The following ASH1L variants were observed in gnomAD, a reference collection of about 807,000 sequenced individuals.
ASH1L encodes histone-lysine N-methyltransferase ASH1L.
In ASH1L, 23 loss-of-function variants were observed where a neutral mutation model predicts 269.0. That is an observed-to-expected ratio of 0.09 (90% CI 0.06 to 0.12). ASH1L has a LOEUF of 0.12. ASH1L is among the 10% of genes least tolerant of loss of function. The pLI is 1.00. For missense variants in ASH1L, 2,912 were observed against 3,567.8 expected, an observed-to-expected ratio of 0.82 and a Z score of 4.68; for synonymous variants, 1,187 against 1,253.5, an observed-to-expected ratio of 0.95 and a Z score of 1.12.
intron 12 of ASH1L, 184 bp downstream of exon 12, chr1:155,370,320 T>C: frequency 1.5e-6 from 1 of 662,264 alleles, no homozygotes; most frequent in Non-Finnish European, 2.5e-6. Context: ...AACAAAAATA[T>C]CTGTCTGGGA....
intron 5 of ASH1L, among the ~76,000 whole-genome samples, chr1:155,430,570 T>C (rs1661520710): frequency 6.6e-6 from 1 of 152,212 alleles, no homozygotes; most frequent in African/African-American, 2.4e-5. Context: ...ATCTCTTATA[T>C]ACACTTTATT....
intron 1 of ASH1L, among the ~76,000 whole-genome samples, chr1:155,556,365 TGTAAAAAATTATAAATATAAATATA>T (rs1157964237): frequency 6.6e-6 from 1 of 151,986 alleles, no homozygotes; most frequent in Non-Finnish European, 1.5e-5. Context: ...AGACCCCAGC[TGTAAAAAATTATAAATATAAATATA>T]CATATATATA....
In ASH1L at chr1:155,521,525, G is replaced by T; in HGVS notation, c.-6C>A. On this transcript the variant is annotated 5_prime_UTR_variant, in exon 2 of 28. Coordinates refer to ENST00000392403, the MANE Select transcript of ASH1L (RefSeq NM_018489.3). The stretch of plus-strand genomic sequence containing the variant: ...GCAGTATTTCTAGGGTCCATCACAA[G>T]CGTATGTTATTGCCAAGGAATCTTA... The T allele has an allele frequency of 6.3e-7, 1 of 1,591,910 alleles. No individual in the cohort carries two copies.
intron 1 of ASH1L, among the ~76,000 whole-genome samples, chr1:155,533,412 C>T (rs942432862): frequency 6.6e-6 from 1 of 151,962 alleles, no homozygotes; most frequent in Non-Finnish European, 1.5e-5. Context: ...TGCTTTGCTG[C>T]CTCCCAAAGA....
In ASH1L at chr1:155,478,147, A is replaced by C; in HGVS notation, c.4723T>G (p.Leu1575Val). 1 of 1,614,064 alleles carries C rather than the reference A, an allele frequency of 6.2e-7. No homozygotes were observed. The highest frequency in any genetic ancestry group is 8.5e-7 in the Non-Finnish European group (1 of 1,180,012). The change falls in exon 3 of 28, where the codon TTA becomes GTA. Residue 1575 changes from leucine (L) to valine (V), a missense_variant. This residue lies in a region of ASH1L where 789 missense variants were observed against 897.6 expected (regional missense o/e 0.88). Coordinates refer to ENST00000392403, the MANE Select transcript of ASH1L (RefSeq NM_018489.3). The surrounding 1 kb of genome is among the most constrained non-coding windows in gnomAD (Gnocchi z 4.6). ...GAACTTTCTGAACAGTCAATCTGTAAAGGTGTCTGCAATCCCAAGGCCAAT... is the reference window on the plus strand; with the variant it reads ...GAACTTTCTGAACAGTCAATCTGTACAGGTGTCTGCAATCCCAAGGCCAAT... ...SPLALGLQTP[L>V]QIDCSESSPS... is the part of the protein sequence containing the mutation.
At chr1:155,370,465 C>A in intron 12 of ASH1L, 39 bp downstream of exon 12, 1 of 1,611,188 alleles carries the variant, frequency 6.2e-7, no homozygotes, top group South Asian at 1.1e-5. Flanking sequence ...AATGCTTATT[C>A]TGCTGGATTC....
At chr1:155,377,556 C>T (rs999800364) in intron 10 of ASH1L, among the ~76,000 whole-genome samples, 3 of 151,536 alleles carry the variant, frequency 2.0e-5, no homozygotes, top group Non-Finnish European at 2.9e-5. Flanking sequence ...ACAGTGAGAC[C>T]CTATCTCTAA....
At chr1:155,379,473 G>A (rs998692659) in intron 8 of ASH1L, among the ~76,000 whole-genome samples, 1 of 152,102 alleles carries the variant, frequency 6.6e-6, no homozygotes, top group African/African-American at 2.4e-5. Flanking sequence ...TATGAGACCT[G>A]GGGGCTATAA....
chr1:155,387,278 T>A (rs753329559), intron 7 of ASH1L, among the ~76,000 whole-genome samples: 1 of 152,172 alleles, frequency 6.6e-6, no homozygotes, highest in Non-Finnish European at 1.5e-5. Context: ...CTGGCCTACA[T>A]TGAAGTTTTT....
rs769015980 is a variant in ASH1L at position 155,562,735 on chromosome 1, TC to T, written c.-683del. 7.7e-6 allele frequency: 10 copies of T among 1,294,726 alleles called. No homozygotes were observed. 80.2% of individuals were successfully genotyped at this position (1,294,726 alleles called of 1,614,324 possible). ...CCCTCGTCCAGTCCCTCACTACCCC[TC>T]AGGCCCTGTCAAGCCGGCGCCGGCG... On this transcript the variant is annotated 5_prime_UTR_variant, in exon 1 of 28. Coordinates refer to ENST00000392403, the MANE Select transcript of ASH1L (RefSeq NM_018489.3).
chr1:155,532,843 A>T (rs77667238), intron 1 of ASH1L, among the ~76,000 whole-genome samples: 1 of 148,770 alleles, frequency 6.7e-6, no homozygotes, highest in African/African-American at 2.5e-5. Context: ...AAAAAATTAT[A>T]TATATATATA....
intron 7 of ASH1L, among the ~76,000 whole-genome samples, chr1:155,394,832 T>A (rs949421578): frequency 1.2e-4 from 18 of 152,212 alleles, no homozygotes; most frequent in African/African-American, 4.1e-4. Context: ...TGTGTATAAA[T>A]CATCTATTTT....
intron 5 of ASH1L, among the ~76,000 whole-genome samples, chr1:155,424,548 C>T (rs186839141): frequency 5.9e-4 from 90 of 151,644 alleles, no homozygotes; most frequent in Middle Eastern, 3.4e-3. Flanking sequence ...CCTGGGATTA[C>T]GGGCATGCGC....
intron 1 of ASH1L, among the ~76,000 whole-genome samples, chr1:155,530,013 C>A (rs1410803906): frequency 6.6e-6 from 1 of 151,824 alleles, no homozygotes; most frequent in East Asian, 1.9e-4. Context: ...TTCTGTTTCT[C>A]AAACACAACA....
intron 4 of ASH1L, among the ~76,000 whole-genome samples, chr1:155,452,266 G>A (rs1189702870): frequency 2.7e-5 from 4 of 149,754 alleles, no homozygotes; most frequent in South Asian, 2.1e-4. Context: ...CTCCAACTCC[G>A]GACCTCAGGT....
rs79597058 is a variant in ASH1L, at chr1:155,412,835, C to T, written c.6008+2909G>A. 6.1e-3 allele frequency among the ~76,000 whole-genome samples: 928 copies of T among 151,382 alleles called. 9 individuals are homozygous for T. The highest frequency in any genetic ancestry group is 0.022 in the African/African-American group (903 of 41,260). On this transcript the variant is annotated intron_variant, in intron 6 of 27. Transcript: ENST00000392403. Reference sequence around the variant, plus strand: ...TGAATTGAGGACACCCAGCTGCTGCCTATTGCTTGGTGTATGGGAAAACCC... The same window carrying T: ...TGAATTGAGGACACCCAGCTGCTGCTTATTGCTTGGTGTATGGGAAAACCC...
chr1:155,488,390 T>C (rs1666473358), intron 2 of ASH1L, among the ~76,000 whole-genome samples: 1 of 149,046 alleles, frequency 6.7e-6, no homozygotes, highest in Non-Finnish European at 1.5e-5. Context: ...CCGGGTACGG[T>C]GGCTCATGCC....
At chr1:155,380,691 T>C (rs968065995) in intron 7 of ASH1L, among the ~76,000 whole-genome samples, 2 of 151,862 alleles carry the variant, frequency 1.3e-5, no homozygotes, top group Admixed American at 6.6e-5. Context: ...AGTGCAATGG[T>C]GCGATCTCGG....
intron 2 of ASH1L, among the ~76,000 whole-genome samples, chr1:155,515,293 C>T (rs999989531): frequency 1.3e-5 from 2 of 152,192 alleles, no homozygotes; most frequent in Non-Finnish European, 2.9e-5. Context: ...ACATATTCAA[C>T]CGACCTCTCG....
Sources: allele counts gnomAD v4.1 joint callset (sites outside exome capture counted in the v4.1 genomes callset), GRCh38; gene constraint gnomAD v4.1.1; regional missense constraint gnomAD v4.1.1; non-coding constraint Gnocchi (gnomAD v3.1); transcripts MANE v1.5; gene names NCBI Gene and HGNC (gene_info 2026-07-23, HGNC 2026-07-21).